Variants in CRAMP1 observed in about 807,000 individuals in gnomAD.
CRAMP1 encodes cramped chromatin regulator 1.
CRAMP1 carries 50 observed loss-of-function variants against 115.4 expected under a neutral mutation model. That is an observed-to-expected ratio of 0.43 (90% CI 0.35 to 0.55). The LOEUF is 0.55. CRAMP1 is among the 20% of genes least tolerant of loss of function. The pLI is 0.01. For missense variants in CRAMP1, 1,679 were observed against 1,721.7 expected, an observed-to-expected ratio of 0.98 and a Z score of 0.44; for synonymous variants, 866 against 745.4, an observed-to-expected ratio of 1.16 and a Z score of -2.64.
intron 4 of CRAMP1, among the ~76,000 whole-genome samples, chr16:1,632,994 A>C (rs928120714): frequency 6.6e-6 from 1 of 152,118 alleles, no homozygotes; most frequent in Non-Finnish European, 1.5e-5. Context: ...CCAGCAGCGC[A>C]CCTGTGCTGG....
chr16:1,675,999 G>A lies in CRAMP1; in HGVS notation c.*1954G>A, dbSNP rs548158115. ...GCTTTGCTGCGTCTCTAGAGGGTTAGGATACCAGGCCGAGTTCAGGCCACT... is the reference window on the plus strand; with the variant it reads ...GCTTTGCTGCGTCTCTAGAGGGTTAAGATACCAGGCCGAGTTCAGGCCACT... On this transcript the variant is annotated 3_prime_UTR_variant, in exon 21 of 21. Transcript: ENST00000397412. The A allele has an allele frequency of 1.6e-4, 24 of 152,356 alleles. 1 individual carries two copies. Among genetic ancestry groups the A allele is most frequent in the African/African-American group, 4.8e-4 (20 of 41,564 alleles). The allele number at this position is 152,356 out of a possible 1,614,324, so 9.4% of individuals were successfully genotyped here.
intron 10 of CRAMP1, among the ~76,000 whole-genome samples, chr16:1,659,197 T>C (rs1428673182): frequency 6.6e-6 from 1 of 152,192 alleles, no homozygotes. Context: ...ATGTTGACTT[T>C]TTAATATAGC....
intron 3 of CRAMP1, among the ~76,000 whole-genome samples, chr16:1,626,924 G>A (rs933057660): frequency 3.3e-5 from 5 of 152,120 alleles, no homozygotes; most frequent in Non-Finnish European, 7.4e-5. Context: ...TGATGCCACT[G>A]CAGTGGCATA....
At chr16:1,651,600 CAG>C (rs1422159660) in intron 6 of CRAMP1, among the ~76,000 whole-genome samples, 1 of 150,036 alleles carries the variant, frequency 6.7e-6, no homozygotes, top group Non-Finnish European at 1.5e-5. Flanking sequence ...TGAGGTCACA[CAG>C]AGGTCATGGG....
intron 10 of CRAMP1, among the ~76,000 whole-genome samples, chr16:1,658,445 A>T (rs2036794984): frequency 1.3e-5 from 2 of 152,096 alleles, no homozygotes; most frequent in African/African-American, 4.8e-5. Context: ...TGGGCTCCTG[A>T]GAGGGCAGGC....
chr16:1,618,731 A>G (rs764056380), intron 2 of CRAMP1, among the ~76,000 whole-genome samples: 1 of 152,208 alleles, frequency 6.6e-6, no homozygotes, highest in East Asian at 1.9e-4. Flanking sequence ...AAGATGTCTC[A>G]TAAGAGATTG....
chr16:1,650,634 A>G (rs1228238681), intron 6 of CRAMP1, among the ~76,000 whole-genome samples: 2 of 152,240 alleles, frequency 1.3e-5, no homozygotes, highest in African/African-American at 4.8e-5. Context: ...GTACAAATAT[A>G]GATACATATA....
intron 6 of CRAMP1, among the ~76,000 whole-genome samples, chr16:1,642,806 G>A (rs1039078701): frequency 1.3e-5 from 2 of 152,238 alleles, no homozygotes; most frequent in Non-Finnish European, 2.9e-5. Context: ...ATGATTGATG[G>A]AATGAAGCCA....
intron 11 of CRAMP1, 72 bp from the exon 12 acceptor site, chr16:1,662,418 A>T: frequency 7.8e-7 from 1 of 1,274,342 alleles, no homozygotes. Context: ...TTTCTTCCCA[A>T]CGGAATTCCG....
At chr16:1,645,959 C>G (rs930055530) in intron 6 of CRAMP1, among the ~76,000 whole-genome samples, 1 of 152,164 alleles carries the variant, frequency 6.6e-6, no homozygotes, top group African/African-American at 2.4e-5. Context: ...GCCCCAAGCA[C>G]CCTTTGCGCC....
intron 6 of CRAMP1, among the ~76,000 whole-genome samples, chr16:1,642,946 G>A (rs1175742523): frequency 1.3e-5 from 2 of 152,198 alleles, no homozygotes; most frequent in East Asian, 1.9e-4. Context: ...CGCCATCCGC[G>A]GGAGAACTTA....
rs1382941522 is a variant in CRAMP1, at chr16:1,667,251, T to C, written c.3037-84T>C. The C allele has an allele frequency of 1.5e-5, 18 of 1,164,694 alleles. 1 individual carries two copies. In the East Asian group the frequency reaches 2.6e-4, roughly 17 times the overall value. The allele number at this position is 1,164,694 out of a possible 1,614,324, so 72.1% of individuals were successfully genotyped here. On this transcript the variant is annotated intron_variant, in intron 16 of 20. Transcript: ENST00000397412. ...GGAGGCCAGGGGGATGGAACGCCTC[T>C]TTTTCTGGAACTCTGTCGCGGGTGA...
At chr16:1,617,443 C>T (rs2036430557) in intron 2 of CRAMP1, among the ~76,000 whole-genome samples, 1 of 152,238 alleles carries the variant, frequency 6.6e-6, no homozygotes, top group Admixed American at 6.5e-5. Flanking sequence ...AGCTCACCTT[C>T]CAGAAAGATG....
rs983635161 is a variant in CRAMP1 at position 1,612,403 on chromosome 16, G to C, written c.-256G>C. Reference sequence around the variant, plus strand: ...CGTAGCCGGAACTGCTGCTGAGGGCGGCGGGCCGGCTTCGCTAGGGTGAGT... The same window carrying C: ...CGTAGCCGGAACTGCTGCTGAGGGCCGCGGGCCGGCTTCGCTAGGGTGAGT... On this transcript the variant is annotated 5_prime_UTR_variant, in exon 1 of 21. Coordinates refer to ENST00000397412, the MANE Select transcript of CRAMP1 (RefSeq NM_020825.4). 1.3e-5 allele frequency: 2 copies of C among 151,440 alleles called. No homozygotes were observed. Among genetic ancestry groups the C allele is most frequent in the African/African-American group, 2.4e-5 (1 of 41,350 alleles). The allele number at this position is 151,440 out of a possible 1,614,324, so 9.4% of individuals were successfully genotyped here. A position where few individuals can be genotyped will look rare whatever the true frequency, so the allele number is the denominator to read the frequency against.
intron 6 of CRAMP1, among the ~76,000 whole-genome samples, chr16:1,643,549 A>G (rs952562309): frequency 6.6e-5 from 9 of 137,338 alleles, no homozygotes; most frequent in African/African-American, 2.7e-4. Flanking sequence ...TAGGGGAAAG[A>G]AAAAAAAAAA....
In CRAMP1 at chr16:1,668,093, C is replaced by T. The variant is rs1357951868; in HGVS notation, c.3234C>T (p.Ile1078=). ...SPPDVSALLD[I]SLPGPPEDAL... is the part of the protein sequence containing the mutation. ...CAGACGTCTCTGCTCTGCTCGACATCTCCCTGCCCGGCCCACCTGAGGATG... is the reference window on the plus strand; with the variant it reads ...CAGACGTCTCTGCTCTGCTCGACATTTCCCTGCCCGGCCCACCTGAGGATG... The change falls in exon 18 of 21, where the codon ATC becomes ATT. Residue 1078 remains isoleucine, a synonymous_variant. Coordinates refer to ENST00000397412, the MANE Select transcript of CRAMP1 (RefSeq NM_020825.4). 6.2e-7 allele frequency: 1 copy of T among 1,613,830 alleles called. No individual in the cohort carries two copies. The highest frequency in any genetic ancestry group is 8.5e-7 in the Non-Finnish European group (1 of 1,179,894).
chr16:1,629,749 C>T (rs539414019), intron 3 of CRAMP1, among the ~76,000 whole-genome samples: 3 of 152,304 alleles, frequency 2.0e-5, no homozygotes, highest in Admixed American at 6.5e-5. Flanking sequence ...CGTGCTGCTT[C>T]GCCTCTTTAT....
intron 1 of CRAMP1, among the ~76,000 whole-genome samples, chr16:1,613,882 C>G (rs1160614082): frequency 6.6e-6 from 1 of 152,186 alleles, no homozygotes; most frequent in African/African-American, 2.4e-5. Flanking sequence ...ACATTTCCCA[C>G]CCTGGGAAGA....
At position 1,614,822 on chromosome 16, in the gene CRAMP1, GC is replaced by G. The variant is rs1284160249; in HGVS notation, c.189del (p.Gly64AlafsTer83). 7 of 1,267,516 alleles carry G rather than the reference GC, an allele frequency of 5.5e-6. No homozygotes were observed. The highest frequency in any genetic ancestry group is 3.5e-5 in the South Asian group (1 of 28,520). 78.5% of individuals were successfully genotyped at this position (1,267,516 alleles called of 1,614,324 possible). A position where few individuals can be genotyped will look rare whatever the true frequency, so the allele number is the denominator to read the frequency against. ...GGGCCGGCGCCGACGGCCCCCCCGCGCCCCCCGGCGCGCCGCAGGCGCCGTC... is the reference window on the plus strand; with the variant it reads ...GGGCCGGCGCCGACGGCCCCCCCGCGCCCCCGGCGCGCCGCAGGCGCCGTC... The part of the protein sequence containing the change: ...PRAGADGPPA[P>X]PGAPQAPSPP... On this transcript the variant is annotated frameshift_variant, in exon 2 of 21. Transcript: ENST00000397412. LOFTEE classifies it high-confidence loss of function. This position sits in a 1 kb window ranked among gnomAD's most constrained non-coding sequence, Gnocchi z 4.4.
Sources: gnomAD v4.1 joint callset for allele counts (sites outside exome capture counted in the v4.1 genomes callset) on GRCh38, gnomAD v4.1.1 for gene constraint, Gnocchi (gnomAD v3.1) non-coding constraint, MANE v1.5 for transcripts, NCBI Gene and HGNC (gene_info 2026-07-23, HGNC 2026-07-21) for gene names.